ZCCHC4: variants seen among roughly 807,000 people sequenced by gnomAD.
ZCCHC4 encodes the protein zinc finger CCHC-type containing 4, also known as rRNA N(6)-adenosine-methyltransferase ZCCHC4.
A neutral mutation model predicts 67.7 loss-of-function variants in ZCCHC4; 54 were observed. That is an observed-to-expected ratio of 0.80 (90% CI 0.64 to 1.00). The LOEUF (loss-of-function observed/expected upper bound fraction) is 1.00, where lower values mean the gene tolerates loss of function less well. Ranked by LOEUF, ZCCHC4 falls within the 50% of genes least tolerant of loss-of-function variation. ZCCHC4 has a pLI of 0.00. For synonymous variants in ZCCHC4, 198 were observed against 213.5 expected (o/e 0.93, Z 0.63); for missense variants, 609 against 617.0 (o/e 0.99, Z 0.14).
At chr4:25,332,265 G>A (rs9760722) in intron 3 of ZCCHC4, among the ~76,000 whole-genome samples, 6,040 of 141,906 alleles carry the variant, frequency 0.043, 144 homozygotes, top group Middle Eastern at 0.074. Context: ...CCAAGATTGC[G>A]CCACGGCACT....
At chr4:25,360,228 G>A (rs1720675310) in intron 8 of ZCCHC4, among the ~76,000 whole-genome samples, 1 of 152,220 alleles carries the variant, frequency 6.6e-6, no homozygotes, top group South Asian at 2.1e-4. Context: ...AGATTTAGAA[G>A]CGGCAACACT....
intron 8 of ZCCHC4, among the ~76,000 whole-genome samples, chr4:25,354,910 T>A (rs866340408): frequency 0.011 from 1,594 of 149,018 alleles, 40 homozygotes; most frequent in African/African-American, 0.037. Context: ...TAGGCCTTTT[T>A]TTTTTTTTTT....
At chr4:25,316,405 T>C (rs537654005) in intron 3 of ZCCHC4, among the ~76,000 whole-genome samples, 2 of 152,344 alleles carry the variant, frequency 1.3e-5, no homozygotes, top group Admixed American at 6.5e-5. Flanking sequence ...CTGTTTTCCA[T>C]AGTGGCTGCA....
chr4:25,340,069 C>T (rs995411776), intron 5 of ZCCHC4, among the ~76,000 whole-genome samples: 1 of 151,956 alleles, frequency 6.6e-6, no homozygotes, highest in Non-Finnish European at 1.5e-5. Flanking sequence ...GAGCTTTCAC[C>T]ATGTTAGCCA....
intron 3 of ZCCHC4, among the ~76,000 whole-genome samples, chr4:25,330,149 C>T (rs1577734430): frequency 6.6e-6 from 1 of 152,076 alleles, no homozygotes; most frequent in South Asian, 2.1e-4. Flanking sequence ...CTCCACCACG[C>T]CTGGCTAATT....
In ZCCHC4 at chr4:25,369,085, A is replaced by T; in HGVS notation, c.1463A>T (p.Lys488Ile). 6.2e-7 allele frequency: 1 copy of T among 1,613,996 alleles called. No individual in the cohort carries two copies. The highest frequency in any genetic ancestry group is 2.2e-5 in the East Asian group (1 of 44,868). The change falls in exon 13 of 13, where the codon AAA becomes ATA. Residue 488 changes from lysine (K) to isoleucine (I), a missense_variant. Transcript: ENST00000302874. The stretch of plus-strand genomic sequence containing the variant: ...AATAAGATGAAAATGGAGACCACGA[A>T]AGGACAATCCATGAATCATACATCT... ...KSNKMKMETT[K>I]GQSMNHTSAT...
intron 5 of ZCCHC4, among the ~76,000 whole-genome samples, chr4:25,344,624 A>G (rs956596056): frequency 5.9e-5 from 9 of 151,748 alleles, no homozygotes; most frequent in South Asian, 2.1e-4. Context: ...ATAATAAAAT[A>G]AAATAAATAA....
intron 5 of ZCCHC4, among the ~76,000 whole-genome samples, chr4:25,342,561 C>G (rs1234588102): frequency 6.6e-6 from 1 of 152,182 alleles, no homozygotes; most frequent in Non-Finnish European, 1.5e-5. Context: ...AGGTTCATTT[C>G]ATGAACTAAT....
intron 5 of ZCCHC4, among the ~76,000 whole-genome samples, chr4:25,334,565 G>A (rs1193299445): frequency 6.6e-6 from 1 of 152,188 alleles, no homozygotes; most frequent in Non-Finnish European, 1.5e-5. Context: ...GACACAGAGG[G>A]AGGAACACAT....
At chr4:25,357,164 T>C (rs1021520948) in intron 8 of ZCCHC4, among the ~76,000 whole-genome samples, 4 of 152,268 alleles carry the variant, frequency 2.6e-5, no homozygotes, top group Non-Finnish European at 5.9e-5. Context: ...GTCCAATTGC[T>C]ATTCCATATG....
In ZCCHC4 at chr4:25,345,603, C is replaced by CA. The variant is rs772106747; in HGVS notation, c.743dup (p.His248GlnfsTer4). On this transcript the variant is annotated frameshift_variant, in exon 6 of 13. Transcript: ENST00000302874. LOFTEE classifies it high-confidence loss of function. ...TTGCCATTATAATATGTTTAACCAT[C>CA]ATTTCTTTGATGGAAAGGTAAGAGC... is the stretch of plus-strand genomic sequence containing the variant. 1 of 1,567,758 alleles carries CA rather than the reference C, an allele frequency of 6.4e-7. No homozygotes were observed. The highest frequency in any genetic ancestry group is 1.1e-5 in the South Asian group (1 of 88,714).
intron 9 of ZCCHC4, 51 bp from the exon 10 acceptor site, chr4:25,362,175 C>G (rs1426171511): frequency 6.5e-7 from 1 of 1,537,372 alleles, no homozygotes; most frequent in East Asian, 2.3e-5. Flanking sequence ...TTTATCTACT[C>G]TGTAAATCTC....
rs117193824 is a variant in ZCCHC4 at position 25,353,561 on chromosome 4, C to T, written c.1011+1872C>T. On this transcript the variant is annotated intron_variant, in intron 8 of 12. Transcript: ENST00000302874. The stretch of plus-strand genomic sequence containing the variant: ...GGTTCTAGTTTTCAGCAGCATCTTC[C>T]GCCTTTGGCAATGGATGGTCATCTA... Among the ~76,000 whole-genome samples the T allele has an allele frequency of 1.4e-3, 206 of 152,266 alleles. 3 individuals carry two copies. In the East Asian group the frequency reaches 0.024, roughly 17 times the overall value.
intron 3 of ZCCHC4, among the ~76,000 whole-genome samples, chr4:25,324,972 G>A (rs1293370412): frequency 6.6e-6 from 1 of 151,980 alleles, no homozygotes; most frequent in African/African-American, 2.4e-5. Context: ...GGCCGGGCGC[G>A]GTGGCTCACG....
intron 8 of ZCCHC4, chr4:25,352,132 C>A: frequency 1.0e-6 from 1 of 986,364 alleles, no homozygotes; most frequent in Non-Finnish European, 1.2e-6. Context: ...CACTTTACTG[C>A]ATCACTCTTG....
At chr4:25,329,335 C>T (rs887428768) in intron 3 of ZCCHC4, among the ~76,000 whole-genome samples, 46 of 152,000 alleles carry the variant, frequency 3.0e-4, no homozygotes, top group African/African-American at 1.1e-3. Flanking sequence ...TCCACCCTCC[C>T]CTTTATTTTG....
intron 3 of ZCCHC4, among the ~76,000 whole-genome samples, chr4:25,316,857 C>A (rs10013321): frequency 2.0e-5 from 3 of 151,768 alleles, no homozygotes; most frequent in Non-Finnish European, 4.4e-5. Flanking sequence ...CTTGTGCTTT[C>A]GGTGTATAGA....
chr4:25,365,985 C>CATTATATGAA, intron 12 of ZCCHC4: 1 of 909,624 alleles, frequency 1.1e-6, no homozygotes, highest in African/African-American at 2.3e-5. Context: ...CTAAATTTGA[C>CATTATATGAA]ATTATATGAA....
chr4:25,342,153 C>T (rs1159978600), intron 5 of ZCCHC4, among the ~76,000 whole-genome samples: 1 of 152,042 alleles, frequency 6.6e-6, no homozygotes, highest in African/African-American at 2.4e-5. Context: ...TAAGAGAGAG[C>T]TGGTTTATTG....
Sources: allele counts gnomAD v4.1 joint callset (sites outside exome capture counted in the v4.1 genomes callset), GRCh38; gene constraint gnomAD v4.1.1; transcripts MANE v1.5; gene names NCBI Gene and HGNC (gene_info 2026-07-23, HGNC 2026-07-21).